Variants in CHLSN observed in about 807,000 individuals in gnomAD.
The protein encoded by CHLSN is cholesin.
At chr7:1,136,160 A>T in the CHLSN span, among the ~76,000 whole-genome samples, 1 of 112,602 alleles carries the variant, frequency 8.9e-6, no homozygotes, top group Non-Finnish European at 1.6e-5. Flanking sequence ...ATATATATAC[A>T]TAAATATGTA....
chr7:1,129,211 G>A, the CHLSN span, among the ~76,000 whole-genome samples: 1 of 14,602 alleles, frequency 6.8e-5, no homozygotes, highest in Admixed American at 5.6e-4. Context: ...ACCGTCACCC[G>A]GGCTGGAGTG....
the CHLSN span, among the ~76,000 whole-genome samples, chr7:1,109,658 C>A: frequency 6.6e-6 from 1 of 151,978 alleles, no homozygotes; most frequent in Non-Finnish European, 1.5e-5. Flanking sequence ...CTTTCCCGCC[C>A]GCCGGGCCCT....
chr7:1,022,862 G>A, the CHLSN span: 9 of 362,522 alleles, frequency 2.5e-5, 1 homozygote, highest in South Asian at 5.8e-5. Flanking sequence ...GAAGACCCAC[G>A]CATACGAGTC....
At chr7:1,055,943 G>T in the CHLSN span, among the ~76,000 whole-genome samples, 1 of 152,220 alleles carries the variant, frequency 6.6e-6, no homozygotes, top group Non-Finnish European at 1.5e-5. Flanking sequence ...CTGCCACTCT[G>T]TGACAGCCAA....
chr7:1,034,392 G>GTTT, the CHLSN span, among the ~76,000 whole-genome samples: 2 of 148,830 alleles, frequency 1.3e-5, no homozygotes, highest in African/African-American at 5.0e-5. Flanking sequence ...AAATTTCAGG[G>GTTT]TTTTTTTTTT....
chr7:1,127,102 A>G, the CHLSN span, among the ~76,000 whole-genome samples: 2 of 152,146 alleles, frequency 1.3e-5, no homozygotes, highest in African/African-American at 4.8e-5. Flanking sequence ...TTGTCCTACA[A>G]TCGCTTCTGG....
chr7:1,081,217 C>T, the CHLSN span, among the ~76,000 whole-genome samples: 12 of 152,238 alleles, frequency 7.9e-5, no homozygotes, highest in Non-Finnish European at 1.3e-4. Context: ...GGGCTTGGTG[C>T]CTAGGCCGGG....
chr7:1,028,366 C>T, the CHLSN span: 13 of 989,600 alleles, frequency 1.3e-5, no homozygotes, highest in African/African-American at 1.7e-4. Context: ...CGCCTCCACA[C>T]TGCGCATGCC....
At chr7:1,135,792 T>TATAC in the CHLSN span, among the ~76,000 whole-genome samples, 1 of 106,388 alleles carries the variant, frequency 9.4e-6, no homozygotes, top group Admixed American at 1.0e-4. Context: ...TATATATATA[T>TATAC]ACACAATTTA....
chr7:1,003,458 C>T, the CHLSN span, among the ~76,000 whole-genome samples: 42 of 29,162 alleles, frequency 1.4e-3, no homozygotes, highest in East Asian at 2.6e-3. Context: ...GGGAGTCCTG[C>T]GGGTGAGTGG....
chr7:1,079,480 G>A, the CHLSN span, among the ~76,000 whole-genome samples: 2 of 152,344 alleles, frequency 1.3e-5, no homozygotes, highest in Middle Eastern at 6.8e-3. Flanking sequence ...GTCTACGCTG[G>A]GGAGACGGTT....
At chr7:1,058,320 C>T in the CHLSN span, 2 of 776,938 alleles carry the variant, frequency 2.6e-6, no homozygotes, top group Admixed American at 3.4e-5. Context: ...CGTGGACGCA[C>T]ACTACCTGGG....
At chr7:981,756 A>T in the CHLSN span, among the ~76,000 whole-genome samples, 1 of 152,218 alleles carries the variant, frequency 6.6e-6, no homozygotes, top group African/African-American at 2.4e-5. Flanking sequence ...GGCCAGGTGC[A>T]GTGGCTTACA....
the CHLSN span, among the ~76,000 whole-genome samples, chr7:1,110,310 G>A: frequency 6.6e-6 from 1 of 152,302 alleles, no homozygotes; most frequent in East Asian, 1.9e-4. Context: ...AGGGAGGCAC[G>A]TCCTCCGACG....
At chr7:1,137,578 T>G in the CHLSN span, 4 of 152,212 alleles carry the variant, frequency 2.6e-5, no homozygotes, top group Non-Finnish European at 4.4e-5. Flanking sequence ...GGCAGGAGGA[T>G]CCATCGCTTG....
the CHLSN span, chr7:986,611 G>C: frequency 6.2e-7 from 1 of 1,612,340 alleles, no homozygotes; most frequent in South Asian, 1.1e-5. Context: ...CGCTCCTCCT[G>C]CCTCCTGCCC....
chr7:1,028,202 G>GCCCCTCCCAT, the CHLSN span: 14 of 1,005,676 alleles, frequency 1.4e-5, no homozygotes, highest in African/African-American at 7.0e-5. Context: ...CTGGGGCAGG[G>GCCCCTCCCAT]CCCCTCCCAT....
the CHLSN span, chr7:1,092,868 C>G: frequency 7.5e-6 from 12 of 1,608,872 alleles, no homozygotes; most frequent in Non-Finnish European, 1.0e-5. Context: ...CAGCCTTGGC[C>G]GCATAGGCCC....
At chr7:1,087,599 A>G in the CHLSN span, among the ~76,000 whole-genome samples, 1 of 152,344 alleles carries the variant, frequency 6.6e-6, no homozygotes, top group Non-Finnish European at 1.5e-5. Context: ...ACAGTGTCGG[A>G]CTGTGGGGCA....
Sources: allele counts gnomAD v4.1 joint callset (sites outside exome capture counted in the v4.1 genomes callset), GRCh38; gene constraint gnomAD v4.1.1; transcripts MANE v1.5; gene names NCBI Gene and HGNC (gene_info 2026-07-23, HGNC 2026-07-21).